Variants in CACNA1G observed in about 807,000 individuals in gnomAD.
CACNA1G encodes calcium voltage-gated channel subunit alpha1 G.
A neutral mutation model predicts 219.4 loss-of-function variants in CACNA1G; 67 were observed. That is an observed-to-expected ratio of 0.31 (90% CI 0.25 to 0.37). The LOEUF (loss-of-function observed/expected upper bound fraction) is 0.37. CACNA1G is among the 10% of genes least tolerant of loss of function. The pLI is 1.00. For missense variants in CACNA1G, 2,380 were observed against 3,231.4 expected, an observed-to-expected ratio of 0.74 and a Z score of 6.39; for synonymous variants, 1,296 against 1,345.3, an observed-to-expected ratio of 0.96 and a Z score of 0.80.
Position 50,578,260 on chromosome 17 carries a change from G to T in CACNA1G, c.1997G>T (p.Ser666Ile), listed in dbSNP as rs757313737. Residue 666 changes from serine (S) to isoleucine (I), a missense_variant, in exon 9 of 38, where the codon AGC (serine) becomes ATC (isoleucine). Coordinates refer to ENST00000359106, the MANE Select transcript of CACNA1G (RefSeq NM_018896.5). The surrounding 1 kb of genome is among the most constrained non-coding windows in gnomAD (Gnocchi z 4.5). ...KADSGACGPD[S>I]CPYCARAGAG... The stretch of plus-strand genomic sequence containing the variant: ...GACAGTGGAGCCTGTGGTCCAGACA[G>T]CTGCCCCTACTGTGCCCGGGCCGGG... The T allele has an allele frequency of 4.3e-6, 7 of 1,612,492 alleles. No homozygotes were observed. The East Asian group carries it at 1.6e-4, about 36-fold the overall frequency.
intron 9 of CACNA1G, among the ~76,000 whole-genome samples, chr17:50,584,528 C>T (rs2042615497): frequency 6.7e-6 from 1 of 148,766 alleles, no homozygotes; most frequent in South Asian, 2.1e-4. Context: ...TGCTTTTAGG[C>T]ACGGGGGAAG....
chr17:50,627,459 T>A lies in CACNA1G; in HGVS notation c.*708T>A, dbSNP rs961227611. 20 of 198,648 alleles carry A rather than the reference T, an allele frequency of 1.0e-4. No individual in the cohort carries two copies. Among genetic ancestry groups the A allele is most frequent in the African/African-American group, 4.1e-4 (17 of 41,620 alleles). The allele number at this position is 198,648 out of a possible 1,614,324, so 12.3% of individuals were successfully genotyped here. On this transcript the variant is annotated 3_prime_UTR_variant, in exon 38 of 38. Coordinates refer to ENST00000359106, the MANE Select transcript of CACNA1G (RefSeq NM_018896.5). ...TCTATATATATATAAAATAAAGTAATTTTCCTAAATAAAAAGCTAATCACG... is the reference window on the plus strand; with the variant it reads ...TCTATATATATATAAAATAAAGTAAATTTCCTAAATAAAAAGCTAATCACG...
chr17:50,591,671 C>G, intron 11 of CACNA1G, 51 bp downstream of exon 11: 1 of 1,609,150 alleles, frequency 6.2e-7, no homozygotes, highest in East Asian at 2.2e-5. Flanking sequence ...AGGCTGGGGG[C>G]AGGAGGGCCT....
rs199686758 is a variant in CACNA1G, at chr17:50,578,267, C to T, written c.2004C>T (p.Pro668=). 51 of 1,612,880 alleles carry T rather than the reference C, an allele frequency of 3.2e-5. No homozygotes were observed. The African/African-American group carries it at 5.3e-4, about 17-fold the overall frequency. ...DSGACGPDSC[P]YCARAGAGEV... Reference sequence around the variant, plus strand: ...GAGCCTGTGGTCCAGACAGCTGCCCCTACTGTGCCCGGGCCGGGGCAGGGG... The same window carrying T: ...GAGCCTGTGGTCCAGACAGCTGCCCTTACTGTGCCCGGGCCGGGGCAGGGG... Residue 668 remains proline, a synonymous_variant, in exon 9 of 38, where the codon CCC becomes CCT. Coordinates refer to ENST00000359106, the MANE Select transcript of CACNA1G (RefSeq NM_018896.5). The surrounding 1 kb of genome is among the most constrained non-coding windows in gnomAD (Gnocchi z 4.5).
In CACNA1G at chr17:50,617,580, C is replaced by T. The variant is rs1354846966; in HGVS notation, c.5155+9C>T. On this transcript the variant is annotated intron_variant, in intron 29 of 37. Transcript: ENST00000359106. The surrounding 1 kb of genome is among the most constrained non-coding windows in gnomAD (Gnocchi z 5.8). ...GCTGCGCATTGCCCGAGGTTGGTGCCCAGCCCACGCACCTGCCCTCCTAGG... is the reference window on the plus strand; with the variant it reads ...GCTGCGCATTGCCCGAGGTTGGTGCTCAGCCCACGCACCTGCCCTCCTAGG... 3 of 1,613,446 alleles carry T rather than the reference C, an allele frequency of 1.9e-6. No homozygotes were observed. Among genetic ancestry groups the T allele is most frequent in the Non-Finnish European group, 2.5e-6 (3 of 1,179,598 alleles).
intron 33 of CACNA1G, 142 bp from the exon 34 acceptor site, chr17:50,619,541 C>T (rs1029400954): frequency 1.7e-4 from 95 of 575,262 alleles, no homozygotes; most frequent in Non-Finnish European, 3.5e-5. Flanking sequence ...TGTGTGTGTG[C>T]ACATGTGCAT....
intron 6 of CACNA1G, 28 bp from the exon 7 acceptor site, chr17:50,572,993 A>G: frequency 6.4e-7 from 1 of 1,569,326 alleles, no homozygotes; most frequent in Non-Finnish European, 8.7e-7. Context: ...GTGGGCCCAT[A>G]GTCAGCCTGC....
intron 13 of CACNA1G, among the ~76,000 whole-genome samples, chr17:50,593,050 T>C (rs1016113446): frequency 1.3e-5 from 2 of 152,188 alleles, no homozygotes; most frequent in Admixed American, 6.5e-5. Context: ...CGCTACCCTT[T>C]TCAGTCTGTA....
chr17:50,610,552 C>T (rs915704272), intron 26 of CACNA1G, among the ~76,000 whole-genome samples: 1 of 152,132 alleles, frequency 6.6e-6, no homozygotes, highest in Non-Finnish European at 1.5e-5. Flanking sequence ...TCTCCTGGTC[C>T]AGCCCACCCT....
At position 50,572,003 on chromosome 17, in the gene CACNA1G, C is replaced by T; in HGVS notation, c.712C>T (p.Arg238Trp). Reference protein sequence around the residue: ...VGVQLWAGLLRNRCFLPENFS... With the variant: ...VGVQLWAGLLWNRCFLPENFS... ...CGTCCAGCTGTGGGCAGGGCTGCTT[C>T]GGAACCGATGCTTCCTACCTGAGAA... The change falls in exon 5 of 38, where the codon CGG becomes TGG. Residue 238 changes from arginine to tryptophan, a missense_variant. Around this residue, in one of 17 missense-constraint regions of CACNA1G, gnomAD observed 56 missense variants for 135.8 expected, o/e 0.41. Coordinates refer to ENST00000359106, the MANE Select transcript of CACNA1G (RefSeq NM_018896.5). 6.2e-7 allele frequency: 1 copy of T among 1,613,942 alleles called. No individual in the cohort carries two copies.
chr17:50,612,157 G>T (rs1016999076), intron 26 of CACNA1G, among the ~76,000 whole-genome samples: 1 of 152,244 alleles, frequency 6.6e-6, no homozygotes, highest in Non-Finnish European at 1.5e-5. Context: ...TTCTCCTACA[G>T]CAGTGCAGAT....
intron 1 of CACNA1G, among the ~76,000 whole-genome samples, chr17:50,565,049 C>A (rs1415074719): frequency 3.3e-5 from 5 of 151,096 alleles, no homozygotes; most frequent in Non-Finnish European, 7.4e-5. Flanking sequence ...CCTGCTCCCG[C>A]CCAGCACTCA....
rs1372621050 is a variant in CACNA1G, at chr17:50,619,581, C to A, written c.5782-102C>A. Reference sequence around the variant, plus strand: ...GTTGTCTGGGTGTCACCTCTTTCTCCTCTGTTTCTCTTGTCAATCCCCTTC... The same window carrying A: ...GTTGTCTGGGTGTCACCTCTTTCTCATCTGTTTCTCTTGTCAATCCCCTTC... On this transcript the variant is annotated intron_variant, in intron 33 of 37. Coordinates refer to ENST00000359106, the MANE Select transcript of CACNA1G (RefSeq NM_018896.5). The A allele has an allele frequency of 2.0e-5, 23 of 1,131,302 alleles. 1 individual carries two copies. The highest frequency in any genetic ancestry group is 2.6e-5 in the Non-Finnish European group (21 of 795,292). The allele number at this position is 1,131,302 out of a possible 1,614,324, so 70.1% of individuals were successfully genotyped here. A position where few individuals can be genotyped will look rare whatever the true frequency, so the allele number is the denominator to read the frequency against.
intron 26 of CACNA1G, 73 bp downstream of exon 26, chr17:50,610,008 C>T (rs969195492): frequency 6.9e-7 from 1 of 1,453,790 alleles, no homozygotes; most frequent in Non-Finnish European, 9.5e-7. Context: ...CTCATTGATT[C>T]TATCCTCTTG....
Position 50,599,438 on chromosome 17 carries a change from G to A in CACNA1G, c.3269G>A (p.Arg1090His), listed in dbSNP as rs1008498540. Residue 1090 changes from arginine (R) to histidine (H), a missense_variant, in exon 17 of 38, where the codon CGC becomes CAC. Physicochemically the swap from Arg to His is conservative, Grantham distance 29. Coordinates refer to ENST00000359106, the MANE Select transcript of CACNA1G (RefSeq NM_018896.5). ...AHEMKSPPSA[R>H]SSPHSPWSAA... ...CCTGCTCACCCACAGCCCAGCGCCCGCAGCTCTCCGCACAGCCCCTGGAGC... is the reference window on the plus strand; with the variant it reads ...CCTGCTCACCCACAGCCCAGCGCCCACAGCTCTCCGCACAGCCCCTGGAGC... The A allele has an allele frequency of 8.4e-6, 13 of 1,549,428 alleles. No individual in the cohort carries two copies. The highest frequency in any genetic ancestry group is 4.9e-5 in the East Asian group (2 of 41,146).
chr17:50,576,216 A>C lies in CACNA1G; in HGVS notation c.1814A>C (p.Lys605Thr). The change falls in exon 8 of 38, where the codon AAG (lysine) becomes ACG (threonine). Residue 605 changes from lysine (K) to threonine (T), a missense_variant. By Grantham distance (78) the Lys-to-Thr change is moderately conservative (BLOSUM62 -1). Around this residue, in one of 17 missense-constraint regions of CACNA1G, gnomAD observed 434 missense variants for 417.3 expected, o/e 1.04. Transcript: ENST00000359106. ...CCTCCACCGGAGACGCTGAAGGAGA[A>C]GGCACTAGTAGAGGTGGCTGCCAGC... ...TSPPPETLKEKALVEVAASSG... is the reference protein window; with the variant it reads ...TSPPPETLKETALVEVAASSG... 1 of 1,607,938 alleles carries C rather than the reference A, an allele frequency of 6.2e-7. No individual in the cohort carries two copies. The highest frequency in any genetic ancestry group is 8.5e-7 in the Non-Finnish European group (1 of 1,177,894).
At chr17:50,577,624 T>C (rs1203511358) in intron 8 of CACNA1G, among the ~76,000 whole-genome samples, 1 of 151,852 alleles carries the variant, frequency 6.6e-6, no homozygotes, top group East Asian at 1.9e-4. Flanking sequence ...TGCATATGTC[T>C]GGCATATGTG....
intron 7 of CACNA1G, 70 bp from the exon 8 acceptor site, chr17:50,575,473 G>C: frequency 6.8e-7 from 1 of 1,466,156 alleles, no homozygotes; most frequent in Non-Finnish European, 9.2e-7. Context: ...GAATGCCTCC[G>C]TATGTGGTGG....
At position 50,619,002 on chromosome 17, in the gene CACNA1G, C is replaced by T. The variant is rs1364546644; in HGVS notation, c.5775C>T (p.His1925=). The change falls in exon 33 of 38, where the codon CAC becomes CAT. Residue 1925 remains histidine (H), a synonymous_variant. Coordinates refer to ENST00000359106, the MANE Select transcript of CACNA1G (RefSeq NM_018896.5). The part of the protein sequence containing the change: ...ARSASHFSLE[H]PTDRQLFDTI... ...CAGCCTCCCACTTTTCCCTGGAGCA[C>T]CCCACGGTGAGCAGACACCCACCCC... 5 of 1,522,662 alleles carry T rather than the reference C, an allele frequency of 3.3e-6. No homozygotes were observed. Among genetic ancestry groups the T allele is most frequent in the Non-Finnish European group, 4.4e-6 (5 of 1,137,426 alleles). The allele number at this position is 1,522,662 out of a possible 1,614,324, so 94.3% of individuals were successfully genotyped here. A position where few individuals can be genotyped will look rare whatever the true frequency, so the allele number is the denominator to read the frequency against.
Sources: gnomAD v4.1 joint callset for allele counts (sites outside exome capture counted in the v4.1 genomes callset) on GRCh38, gnomAD v4.1.1 for gene constraint, gnomAD v4.1.1 regional missense constraint, Gnocchi (gnomAD v3.1) non-coding constraint, MANE v1.5 for transcripts, NCBI Gene and HGNC (gene_info 2026-07-23, HGNC 2026-07-21) for gene names.